The following CMPK2 variants were observed in gnomAD, a reference collection of about 807,000 sequenced individuals.
The protein encoded by CMPK2 is UMP-CMP kinase 2, mitochondrial.
Under a neutral mutation model 33.4 loss-of-function variants are expected in CMPK2, and 32 were observed. That is an observed-to-expected ratio of 0.96 (90% confidence interval 0.72 to 1.29). The LOEUF (loss-of-function observed/expected upper bound fraction) is 1.29. Ranked by LOEUF, CMPK2 falls within the 50% of genes most tolerant of loss-of-function variation. The pLI is 0.00. For missense variants in CMPK2, 672 were observed against 616.0 expected (o/e 1.09, Z -0.96); for synonymous variants, 299 against 275.3 (o/e 1.09, Z -0.85).
intron 4 of CMPK2, 144 bp downstream of exon 4, chr2:6,851,306 G>T: frequency 6.7e-7 from 1 of 1,484,250 alleles, no homozygotes; most frequent in Non-Finnish European, 9.0e-7. Context: ...ATTGGAAGGG[G>T]CTGAAGTAAC....
chr2:6,849,918 T>C lies in CMPK2; in HGVS notation c.1282A>G (p.Ser428Gly). ...ENPGCHVVDA[S>G]PSREKVLQTV... ...TGCAGGACCTTTTCTCTGGAGGGGC[T>C]GGCATCAACCACATGGCAGCCAGGA... Residue 428 changes from serine to glycine, a missense_variant, in exon 5 of 5, where the codon AGC (serine) becomes GGC (glycine). Transcript: ENST00000256722. The C allele has an allele frequency of 1.3e-5, 21 of 1,614,202 alleles. No homozygotes were observed. The highest frequency in any genetic ancestry group is 1.8e-5 in the Non-Finnish European group (21 of 1,180,034).
At chr2:6,851,366 C>T (rs1450186424) in intron 4 of CMPK2, 84 bp downstream of exon 4, 18 of 1,582,670 alleles carry the variant, frequency 1.1e-5, no homozygotes, top group Non-Finnish European at 1.5e-5. Context: ...ATATCACTTC[C>T]TCACAATCCT....
At chr2:6,852,664 GA>G (rs776891571) in intron 3 of CMPK2, among the ~76,000 whole-genome samples, 2 of 152,182 alleles carry the variant, frequency 1.3e-5, no homozygotes, top group Admixed American at 6.5e-5. Context: ...TCTTGAGTGG[GA>G]AATCTTTTTT....
intron 1 of CMPK2, chr2:6,864,427 G>A (rs1020894431): frequency 1.3e-5 from 2 of 152,206 alleles, no homozygotes; most frequent in Admixed American, 6.5e-5. Context: ...TGTGTCACAG[G>A]AGGACATCTG....
At position 6,861,241 on chromosome 2, in the gene CMPK2, T is replaced by C. The variant is rs1383320969; in HGVS notation, c.935A>G (p.Tyr312Cys). Reference sequence around the variant, plus strand: ...TTTAGCTATTTCGGAGGCCACAATATAATTGCCCAAAGAGTAAAAAGCTCT... The same window carrying C: ...TTTAGCTATTTCGGAGGCCACAATACAATTGCCCAAAGAGTAAAAAGCTCT... The part of the protein sequence containing the change: ...IRRAFYSLGN[Y>C]IVASEIAKES... Residue 312 changes from tyrosine (Y) to cysteine (C), a missense_variant, in exon 3 of 5, where the codon TAT becomes TGT. Tyr to Cys is a radical substitution (Grantham distance 194). Coordinates refer to ENST00000256722, the MANE Select transcript of CMPK2 (RefSeq NM_207315.4). 2.5e-6 allele frequency: 4 copies of C among 1,614,000 alleles called. No homozygotes were observed. Among genetic ancestry groups the C allele is most frequent in the Non-Finnish European group, 2.5e-6 (3 of 1,180,020 alleles).
At position 6,848,456 on chromosome 2, in the gene CMPK2, T is replaced by C. The variant is rs1225123845; in HGVS notation, c.*1394A>G. The C allele has an allele frequency of 1.0e-6, 1 of 981,232 alleles. No homozygotes were observed. Among genetic ancestry groups the C allele is most frequent in the African/African-American group, 1.8e-5 (1 of 57,142 alleles). 60.8% of individuals were successfully genotyped at this position (981,232 alleles called of 1,614,324 possible). A position where few individuals can be genotyped will look rare whatever the true frequency, so the allele number is the denominator to read the frequency against. On this transcript the variant is annotated 3_prime_UTR_variant, in exon 5 of 5. Transcript: ENST00000256722. ...ACCAATAATACAGCTAGATACCACA[T>C]TGCAAAGAACCCTAATGCTATTTAT...
At chr2:6,844,810 T>C (rs1430347546), downstream of CMPK2, among the ~76,000 whole-genome samples, 1 of 152,224 alleles carries the variant, frequency 6.6e-6, no homozygotes, top group South Asian at 2.1e-4. Context: ...CATCTCTCCA[T>C]GTAAGATAAA....
chr2:6,858,266 C>T (rs1380406599), intron 3 of CMPK2, among the ~76,000 whole-genome samples: 1 of 151,888 alleles, frequency 6.6e-6, no homozygotes, highest in Non-Finnish European at 1.5e-5. Context: ...GACAGGCCTT[C>T]CTAAACCATA....
intron 4 of CMPK2, chr2:6,851,162 G>A (rs1230953850): frequency 2.4e-6 from 3 of 1,238,816 alleles, no homozygotes; most frequent in Non-Finnish European, 3.1e-6. Context: ...GGGAAACTGA[G>A]GCACAGAGAC....
chr2:6,849,900 C>T lies in CMPK2; in HGVS notation c.1300G>A (p.Val434Ile). ...ATTAGGCTTAATACCGTCTGCAGGA[C>T]CTTTTCTCTGGAGGGGCTGGCATCA... Reference protein sequence around the residue: ...VVDASPSREKVLQTVLSLIQN... With the variant: ...VVDASPSREKILQTVLSLIQN... The change falls in exon 5 of 5, where the codon GTC becomes ATC. Residue 434 changes from valine to isoleucine, a missense_variant. By Grantham distance (29) the Val-to-Ile change is conservative (BLOSUM62 3). Coordinates refer to ENST00000256722, the MANE Select transcript of CMPK2 (RefSeq NM_207315.4). 2 of 1,614,118 alleles carry T rather than the reference C, an allele frequency of 1.2e-6. No individual in the cohort carries two copies. The highest frequency in any genetic ancestry group is 1.7e-6 in the Non-Finnish European group (2 of 1,180,004).
At chr2:6,851,804 A>G (rs1268700236) in intron 3 of CMPK2, 121 bp from the exon 4 acceptor site, 9 of 703,888 alleles carry the variant, frequency 1.3e-5, no homozygotes, top group South Asian at 4.2e-5. Context: ...CTAGTATTGC[A>G]TAAGTTAAAT....
chr2:6,859,117 T>G (rs546061748), intron 3 of CMPK2, among the ~76,000 whole-genome samples: 1 of 152,224 alleles, frequency 6.6e-6, no homozygotes, highest in East Asian at 1.9e-4. Context: ...CCCTAGAGAT[T>G]TGTGGAACTT....
rs1663053747 is a variant in CMPK2 at position 6,865,595 on chromosome 2, G to A, written c.102C>T (p.Val34=). The A allele has an allele frequency of 1.4e-6, 2 of 1,394,722 alleles. No individual in the cohort carries two copies. Among genetic ancestry groups the A allele is most frequent in the South Asian group, 3.0e-5 (2 of 66,224 alleles). The allele number at this position is 1,394,722 out of a possible 1,614,324, so 86.4% of individuals were successfully genotyped here. A position where few individuals can be genotyped will look rare whatever the true frequency, so the allele number is the denominator to read the frequency against. The part of the protein sequence containing the change: ...AGAMAPPRRF[V]LELPDCTLAH... ...CCAGGGTGCAGTCGGGAAGCTCCAG[G>A]ACGAAGCGGCGCGGCGGAGCCATGG... Residue 34 remains valine (V), a synonymous_variant, in exon 1 of 5, where the codon GTC becomes GTT. Transcript: ENST00000256722.
At chr2:6,862,309 A>G (rs926384089) in intron 2 of CMPK2, among the ~76,000 whole-genome samples, 1 of 152,186 alleles carries the variant, frequency 6.6e-6, no homozygotes, top group Admixed American at 6.5e-5. Context: ...TAATCATCTG[A>G]CAGAAGAAGA....
intron 3 of CMPK2, among the ~76,000 whole-genome samples, chr2:6,857,639 CTTTT>C (rs59168059): frequency 2.3e-5 from 3 of 131,734 alleles, no homozygotes; most frequent in African/African-American, 5.7e-5. Flanking sequence ...CTTTTCTTTT[CTTTT>C]TTTTTTTTTT....
At chr2:6,866,608 C>T (rs544676263), upstream of CMPK2, 47 of 230,026 alleles carry the variant, frequency 2.0e-4, no homozygotes, top group South Asian at 6.9e-3. Flanking sequence ...AGCATCAGCA[C>T]TGTTGCTGCC....
intron 4 of CMPK2, chr2:6,851,158 C>G: frequency 8.1e-7 from 1 of 1,230,810 alleles, no homozygotes; most frequent in Non-Finnish European, 1.0e-6. Flanking sequence ...ACTGGGGAAA[C>G]TGAGGCACAG....
At chr2:6,845,050 T>G (rs943715688), downstream of CMPK2, among the ~76,000 whole-genome samples, 3 of 152,166 alleles carry the variant, frequency 2.0e-5, no homozygotes, top group Non-Finnish European at 4.4e-5. Context: ...TTGTCTGACA[T>G]GGCTGCCAAG....
At chr2:6,850,703 A>T (rs979016891) in intron 4 of CMPK2, 5 of 958,700 alleles carry the variant, frequency 5.2e-6, no homozygotes, top group Non-Finnish European at 6.2e-6. Flanking sequence ...TAAATTGCTT[A>T]ACATAATATC....
Sources: gnomAD v4.1 joint callset for allele counts (sites outside exome capture counted in the v4.1 genomes callset) on GRCh38, gnomAD v4.1.1 for gene constraint, MANE v1.5 for transcripts, NCBI Gene and HGNC (gene_info 2026-07-23, HGNC 2026-07-21) for gene names.